Variants in RYR2 observed in about 807,000 individuals in gnomAD.
RYR2 encodes ryanodine receptor 2, also known as cardiac muscle ryanodine receptor-calcium release channel.
In RYR2, 227 loss-of-function variants were observed where a neutral mutation model predicts 601.1. That is an observed-to-expected ratio of 0.38 (90% CI 0.34 to 0.42). The LOEUF is 0.42. Ranked by LOEUF, RYR2 falls within the 10% of genes least tolerant of loss-of-function variation. The probability of loss-of-function intolerance (pLI) is 1.00; values close to 1 mark genes in which losing one functional copy is unlikely to be tolerated. For missense variants in RYR2, 4,646 were observed against 6,156.5 expected (o/e 0.75, Z 8.21); for synonymous variants, 2,223 against 2,175.1 (o/e 1.02, Z -0.61).
At chr1:237,714,991 C>CAAAA (rs5781983) in intron 71 of RYR2, among the ~76,000 whole-genome samples, 18 of 44,444 alleles carry the variant, frequency 4.1e-4, no homozygotes, top group African/African-American at 9.0e-4. Context: ...GACTCCATCT[C>CAAAA]AAAAAAAAAA....
Position 237,788,079 on chromosome 1 carries a change from G to A in RYR2, c.13420G>A (p.Glu4474Lys). 1 of 1,612,556 alleles carries A rather than the reference G, an allele frequency of 6.2e-7. No individual in the cohort carries two copies. Among genetic ancestry groups the A allele is most frequent in the East Asian group, 2.2e-5 (1 of 44,838 alleles). Residue 4474 changes from glutamate to lysine, a missense_variant, in exon 92 of 105, where the codon GAA becomes AAA. Physicochemically the swap from Glu to Lys is moderately conservative, Grantham distance 56. Transcript: ENST00000366574. Reference sequence around the variant, plus strand: ...TCACACACACAGATACGGAGAACCAGAAGTGCCAGAGTCAGCATTCTGGAA... The same window carrying A: ...TCACACACACAGATACGGAGAACCAAAAGTGCCAGAGTCAGCATTCTGGAA... ...QLHTHRYGEP[E>K]VPESAFWKKI...
At chr1:237,388,584 C>T (rs1361262359) in intron 10 of RYR2, among the ~76,000 whole-genome samples, 2 of 151,860 alleles carry the variant, frequency 1.3e-5, no homozygotes, top group African/African-American at 4.8e-5. Context: ...ATTTTAGGAC[C>T]CTTTGCTATG....
intron 10 of RYR2, among the ~76,000 whole-genome samples, chr1:237,389,100 A>C (rs1193095702): frequency 2.0e-5 from 3 of 152,190 alleles, no homozygotes; most frequent in Non-Finnish European, 4.4e-5. Flanking sequence ...GAGTGACATA[A>C]GTCCCCTGGA....
intron 57 of RYR2, among the ~76,000 whole-genome samples, chr1:237,667,642 T>C (rs891338177): frequency 4.6e-5 from 7 of 152,224 alleles, no homozygotes; most frequent in African/African-American, 1.4e-4. Flanking sequence ...TGAATTAATG[T>C]CTTCAAACAT....
At chr1:237,571,391 T>A (rs950961871) in intron 29 of RYR2, among the ~76,000 whole-genome samples, 1 of 151,332 alleles carries the variant, frequency 6.6e-6, no homozygotes, top group Admixed American at 6.6e-5. Context: ...CTTGACTCAC[T>A]GCAACCTCCG....
Position 237,638,418 on chromosome 1 carries a change from A to G in RYR2, c.6854A>G (p.Tyr2285Cys). The G allele has an allele frequency of 6.2e-7, 1 of 1,614,002 alleles. No homozygotes were observed. Among genetic ancestry groups the G allele is most frequent in the Non-Finnish European group, 8.5e-7 (1 of 1,179,870 alleles). ...TGCCAGATGCTGGTGTCTAAGGGCT[A>G]TCCAGACATTGGGTGGAACCCAGTT... ...QSCQMLVSKG[Y>C]PDIGWNPVEG... Residue 2285 changes from tyrosine (Y) to cysteine (C), a missense_variant, in exon 45 of 105, where the codon TAT becomes TGT. This residue lies in a region of RYR2 where 137 missense variants were observed against 273.6 expected (regional missense o/e 0.50). Coordinates refer to ENST00000366574, the MANE Select transcript of RYR2 (RefSeq NM_001035.3).
chr1:237,698,183 T>TA (rs1246699281), intron 63 of RYR2, among the ~76,000 whole-genome samples: 2 of 151,506 alleles, frequency 1.3e-5, no homozygotes, highest in Non-Finnish European at 2.9e-5. Context: ...AACTATATTG[T>TA]AAGTGGTCAA....
At chr1:237,460,886 T>A (rs2150251289) in intron 16 of RYR2, among the ~76,000 whole-genome samples, 1 of 152,314 alleles carries the variant, frequency 6.6e-6, no homozygotes, top group South Asian at 2.1e-4. Flanking sequence ...TTGTTGTTCT[T>A]CTTATCATTA....
At chr1:237,757,350 G>A (rs886118152) in intron 81 of RYR2, among the ~76,000 whole-genome samples, 1 of 152,120 alleles carries the variant, frequency 6.6e-6, no homozygotes, top group South Asian at 2.1e-4. Flanking sequence ...AAACTTTTAA[G>A]TAGCTCATAC....
intron 73 of RYR2, among the ~76,000 whole-genome samples, chr1:237,720,962 A>T (rs941269167): frequency 3.3e-5 from 5 of 152,238 alleles, no homozygotes; most frequent in African/African-American, 1.2e-4. Flanking sequence ...TCACCTCCAA[A>T]TGAATAAGAC....
intron 1 of RYR2, among the ~76,000 whole-genome samples, chr1:237,089,979 G>T (rs1666780766): frequency 6.6e-6 from 1 of 152,200 alleles, no homozygotes; most frequent in Non-Finnish European, 1.5e-5. Flanking sequence ...CCACATGGCT[G>T]GGGAAGCCTC....
intron 91 of RYR2, among the ~76,000 whole-genome samples, chr1:237,786,731 T>C (rs1657629954): frequency 6.6e-6 from 1 of 152,334 alleles, no homozygotes; most frequent in South Asian, 2.1e-4. Context: ...TATACGCACA[T>C]TTGAAAAGTT....
At chr1:237,717,506 C>A (rs1431631983) in intron 72 of RYR2, 138 bp downstream of exon 72, 20 of 678,282 alleles carry the variant, frequency 2.9e-5, no homozygotes. Flanking sequence ...TAGACAGGCC[C>A]AAGACTCAAA....
At chr1:237,286,179 A>G (rs1321502454) in intron 2 of RYR2, among the ~76,000 whole-genome samples, 1 of 152,002 alleles carries the variant, frequency 6.6e-6, no homozygotes, top group East Asian at 1.9e-4. Context: ...CCCTCTTAGC[A>G]CCACCTTTGC....
intron 97 of RYR2, among the ~76,000 whole-genome samples, chr1:237,799,761 T>TCAAA (rs1381372171): frequency 2.0e-5 from 3 of 152,324 alleles, no homozygotes; most frequent in Non-Finnish European, 2.9e-5. Context: ...TATTTATTTA[T>TCAAA]CAAACACATA....
At chr1:237,416,849 A>G (rs992294544) in intron 10 of RYR2, among the ~76,000 whole-genome samples, 200 bp from the exon 11 acceptor site, 6 of 152,102 alleles carry the variant, frequency 3.9e-5, no homozygotes, top group Non-Finnish European at 7.4e-5. Flanking sequence ...TTATTCAGGG[A>G]AAACTTAGGT....
At chr1:237,061,500 T>C (rs960448211) in intron 1 of RYR2, among the ~76,000 whole-genome samples, 2 of 152,136 alleles carry the variant, frequency 1.3e-5, no homozygotes, top group African/African-American at 4.8e-5. Flanking sequence ...TTTGTAGAGA[T>C]GAGGTCTTAC....
At chr1:237,316,089 C>A (rs996262990) in intron 2 of RYR2, among the ~76,000 whole-genome samples, 2 of 151,672 alleles carry the variant, frequency 1.3e-5, no homozygotes, top group Non-Finnish European at 2.9e-5. Context: ...TCAGGTGTGA[C>A]GATTAGGAAC....
intron 16 of RYR2, among the ~76,000 whole-genome samples, chr1:237,459,136 A>G (rs776948815): frequency 1.4e-4 from 21 of 152,266 alleles, no homozygotes; most frequent in Admixed American, 8.5e-4. Context: ...ACTAAATTTC[A>G]TAATATAGCA....
Sources: allele counts gnomAD v4.1 joint callset (sites outside exome capture counted in the v4.1 genomes callset), GRCh38; gene constraint gnomAD v4.1.1; regional missense constraint gnomAD v4.1.1; transcripts MANE v1.5; gene names NCBI Gene and HGNC (gene_info 2026-07-23, HGNC 2026-07-21).